Variants in SHISAL1 observed in about 807,000 individuals in gnomAD.
SHISAL1 encodes protein shisa-like-1.
SHISAL1 carries 9 observed loss-of-function variants against 22.6 expected under a neutral mutation model. The observed-to-expected ratio is 0.40, with a 90% confidence interval of 0.24 to 0.70. The LOEUF (loss-of-function observed/expected upper bound fraction) is 0.70, where lower values mean the gene tolerates loss of function less well. Among genes scored for constraint, SHISAL1 ranks in the 30% least tolerant of loss-of-function variants. SHISAL1 has a pLI of 0.39. For missense variants in SHISAL1, 246 were observed against 270.6 expected (o/e 0.91, Z 0.64); for synonymous variants, 119 against 115.4 (o/e 1.03, Z -0.20).
the SHISAL1 span, among the ~76,000 whole-genome samples, chr22:44,323,504 CAA>C: frequency 8.7e-6 from 1 of 114,992 alleles, no homozygotes; most frequent in African/African-American, 3.3e-5. Context: ...ATCCATCCAT[CAA>C]CCATCCATCC....
intron 2 of SHISAL1, among the ~76,000 whole-genome samples, chr22:44,300,641 C>T (rs2055421424): frequency 6.6e-6 from 1 of 152,054 alleles, no homozygotes; most frequent in Non-Finnish European, 1.5e-5. Flanking sequence ...GCTGAGCTCC[C>T]ATGGGAAGTC....
intron 4 of SHISAL1, among the ~76,000 whole-genome samples, chr22:44,279,228 C>T (rs2055260393): frequency 6.6e-6 from 1 of 152,160 alleles, no homozygotes; most frequent in African/African-American, 2.4e-5. Flanking sequence ...CTTCTTGAGC[C>T]CCAGCTGGGA....
intron 1 of SHISAL1, among the ~76,000 whole-genome samples, chr22:44,304,888 C>T (rs1307019256): frequency 1.3e-5 from 2 of 152,190 alleles, no homozygotes; most frequent in East Asian, 3.9e-4. Context: ...ACTTCTGTGG[C>T]TGGGGCTCAG....
chr22:44,260,140 C>G (rs972901974), intron 4 of SHISAL1, among the ~76,000 whole-genome samples: 1 of 152,146 alleles, frequency 6.6e-6, no homozygotes, highest in African/African-American at 2.4e-5. Flanking sequence ...CCCCTGCATG[C>G]CTTTCACACC....
chr22:44,263,241 T>C (rs569525710), intron 4 of SHISAL1, among the ~76,000 whole-genome samples: 182 of 152,116 alleles, frequency 1.2e-3, no homozygotes, highest in African/African-American at 3.9e-3. Context: ...CAGTTAGTTC[T>C]TGTATTTTTA....
At chr22:44,255,280 C>G (rs918819800) in intron 4 of SHISAL1, among the ~76,000 whole-genome samples, 6 of 152,180 alleles carry the variant, frequency 3.9e-5, no homozygotes, top group African/African-American at 1.2e-4. Flanking sequence ...CACCTAAACT[C>G]CATTCTGATG....
chr22:44,300,984 A>G lies in SHISAL1; in HGVS notation c.-32-7T>C, dbSNP rs1355148216. On this transcript the variant is annotated splice_polypyrimidine_tract_variant and splice_region_variant and intron_variant, in intron 1 of 4. Transcript: ENST00000381176. ...TTGATCCGTCCAGAGCTGCCTGTTC[A>G]ATGAGAGCCACGAGAGGCTGGGTGT... is the stretch of plus-strand genomic sequence containing the variant. 1 of 1,594,904 alleles carries G rather than the reference A, an allele frequency of 6.3e-7. No individual in the cohort carries two copies. Among genetic ancestry groups the G allele is most frequent in the East Asian group, 2.2e-5 (1 of 44,640 alleles).
At chr22:44,276,203 C>A (rs2055238615) in intron 4 of SHISAL1, among the ~76,000 whole-genome samples, 1 of 152,056 alleles carries the variant, frequency 6.6e-6, no homozygotes, top group Non-Finnish European at 1.5e-5. Flanking sequence ...CCCCTCTGAT[C>A]GGGTGACTCT....
In SHISAL1 at chr22:44,249,332, A is replaced by T. The variant is rs2055029804; in HGVS notation, c.*353T>A. 3.9e-6 allele frequency: 1 copy of T among 257,304 alleles called. No individual in the cohort carries two copies. The highest frequency in any genetic ancestry group is 7.4e-6 in the Non-Finnish European group (1 of 134,380). The allele number at this position is 257,304 out of a possible 1,614,324, so 15.9% of individuals were successfully genotyped here. A position where few individuals can be genotyped will look rare whatever the true frequency, so the allele number is the denominator to read the frequency against. ...GAAGCTTCGGTTTTCAACCACAGGT[A>T]TAACTCACAGGCCTCAATCCTCCTG... On this transcript the variant is annotated 3_prime_UTR_variant, in exon 5 of 5. Coordinates refer to ENST00000381176, the MANE Select transcript of SHISAL1 (RefSeq NM_001099294.2).
chr22:44,265,292 T>G (rs1368544704), intron 4 of SHISAL1, among the ~76,000 whole-genome samples: 1 of 152,152 alleles, frequency 6.6e-6, no homozygotes, highest in Non-Finnish European at 1.5e-5. Context: ...CCAAAAAGAC[T>G]GTGGGTTCCA....
rs140208411 is a variant in SHISAL1, at chr22:44,268,990, T to G, written c.599+16438A>C. On this transcript the variant is annotated intron_variant, in intron 4 of 4. Transcript: ENST00000381176. Reference sequence around the variant, plus strand: ...TCTCTGTGCTTCCTTCATCCCGGGCTCCGACCTGACCAGCTTCCATGCATT... The same window carrying G: ...TCTCTGTGCTTCCTTCATCCCGGGCGCCGACCTGACCAGCTTCCATGCATT... Among the ~76,000 whole-genome samples the G allele has an allele frequency of 3.3e-5, 5 of 152,152 alleles. No homozygotes were observed. In the East Asian group the frequency reaches 9.6e-4, roughly 29 times the overall value.
chr22:44,298,079 A>G (rs2055400126), intron 2 of SHISAL1, among the ~76,000 whole-genome samples: 1 of 152,188 alleles, frequency 6.6e-6, no homozygotes, highest in Non-Finnish European at 1.5e-5. Context: ...CCCTTCCCCC[A>G]CAGACAGCAC....
intron 4 of SHISAL1, among the ~76,000 whole-genome samples, chr22:44,268,144 T>C (rs1377301810): frequency 2.6e-5 from 4 of 152,180 alleles, no homozygotes; most frequent in Non-Finnish European, 5.9e-5. Context: ...TACATCCCCA[T>C]GGTAAAGGTT....
intron 4 of SHISAL1, among the ~76,000 whole-genome samples, chr22:44,259,687 T>C (rs1170111690): frequency 1.3e-5 from 2 of 152,104 alleles, no homozygotes; most frequent in Non-Finnish European, 2.9e-5. Context: ...GTTGCATTAA[T>C]AGAAGTATAT....
intron 1 of SHISAL1, among the ~76,000 whole-genome samples, chr22:44,312,174 T>C (rs1001992419): frequency 5.3e-5 from 8 of 152,186 alleles, no homozygotes; most frequent in African/African-American, 1.9e-4. Flanking sequence ...TGAAGGCGTA[T>C]TCGGAGGGGC....
intron 4 of SHISAL1, among the ~76,000 whole-genome samples, chr22:44,266,414 GTT>G (rs1485387909): frequency 2.1e-5 from 3 of 142,146 alleles, no homozygotes; most frequent in African/African-American, 8.8e-5. Flanking sequence ...CTTGTTGTTT[GTT>G]GGGGGGCTGT....
chr22:44,331,397 T>A, the SHISAL1 span, among the ~76,000 whole-genome samples: 2 of 134,558 alleles, frequency 1.5e-5, no homozygotes, highest in South Asian at 5.0e-4. This position sits in a 1 kb window ranked among gnomAD's most constrained non-coding sequence, Gnocchi z 5.2. Context: ...CGCCAGGAGC[T>A]CCGCCCCGGC....
rs117790495 is a variant in SHISAL1 at position 44,270,363 on chromosome 22, A to G, written c.599+15065T>C. ...TGATCAGGGGACACATCTGGGCTCA[A>G]GGCCCTGTGGGGTGACAAGGACGTG... On this transcript the variant is annotated intron_variant, in intron 4 of 4. Coordinates refer to ENST00000381176, the MANE Select transcript of SHISAL1 (RefSeq NM_001099294.2). 2.5e-4 allele frequency among the ~76,000 whole-genome samples: 38 copies of G among 152,318 alleles called. 2 individuals carry two copies. In the East Asian group the frequency reaches 7.3e-3, roughly 29 times the overall value.
At chr22:44,304,361 G>A (rs981159232) in intron 1 of SHISAL1, among the ~76,000 whole-genome samples, 2 of 152,236 alleles carry the variant, frequency 1.3e-5, no homozygotes, top group African/African-American at 4.8e-5. Context: ...CTGCAGCCTT[G>A]GTCTCCTCCC....
Sources: gnomAD v4.1 joint callset for allele counts (sites outside exome capture counted in the v4.1 genomes callset) on GRCh38, gnomAD v4.1.1 for gene constraint, Gnocchi (gnomAD v3.1) non-coding constraint, MANE v1.5 for transcripts, NCBI Gene and HGNC (gene_info 2026-07-23, HGNC 2026-07-21) for gene names.